The following ERC1 variants were observed in gnomAD, a reference collection of about 807,000 sequenced individuals.
The protein encoded by ERC1 is RAB6 interacting protein 2.
A neutral mutation model predicts 132.0 loss-of-function variants in ERC1; 56 were observed. The ratio of observed to expected loss-of-function variants is 0.42; its 90% confidence interval spans 0.34 to 0.53. The LOEUF is 0.53. Among genes scored for constraint, ERC1 ranks in the 20% least tolerant of loss-of-function variants. The pLI is 0.03. For missense variants in ERC1, 1,202 were observed against 1,349.9 expected (o/e 0.89, Z 1.72); for synonymous variants, 478 against 476.1 (o/e 1.00, Z -0.05).
chr12:1,154,207 G>C (rs888710101), intron 8 of ERC1, among the ~76,000 whole-genome samples: 1 of 119,036 alleles, frequency 8.4e-6, no homozygotes, highest in African/African-American at 3.3e-5. Flanking sequence ...TCCATGGTGT[G>C]TGTGTGTATG....
upstream of ERC1, chr12:990,625 C>T (rs962693827): frequency 3.9e-5 from 6 of 152,246 alleles, no homozygotes; most frequent in Non-Finnish European, 5.9e-5. Context: ...CCCCGCGAGT[C>T]TCAGGTCAGA....
chr12:996,544 T>G (rs1055144468), intron 1 of ERC1, among the ~76,000 whole-genome samples: 4 of 151,998 alleles, frequency 2.6e-5, no homozygotes, highest in African/African-American at 9.7e-5. Flanking sequence ...ATTGCATATG[T>G]GTATAGCCAC....
At chr12:1,124,283 C>T (rs1046554002) in intron 7 of ERC1, among the ~76,000 whole-genome samples, 1 of 151,976 alleles carries the variant, frequency 6.6e-6, no homozygotes, top group Non-Finnish European at 1.5e-5. Context: ...ACTTTGCACT[C>T]CTAATGCAGC....
rs548081051 is a variant in ERC1 at position 1,168,645 on chromosome 12, C to T, written c.1738-11895C>T. On this transcript the variant is annotated intron_variant, in intron 8 of 18. Transcript: ENST00000360905. ...GATTACAGGTGCCCACCACCACACCCGGCTAATTTTTTTGTATTTTTAGTA... is the reference window on the plus strand; with the variant it reads ...GATTACAGGTGCCCACCACCACACCTGGCTAATTTTTTTGTATTTTTAGTA... Among the ~76,000 whole-genome samples the T allele has an allele frequency of 8.6e-5, 13 of 151,828 alleles. No individual in the cohort carries two copies. In the East Asian group the frequency reaches 9.7e-4, roughly 11 times the overall value.
At chr12:1,122,115 A>G (rs1172551552) in intron 7 of ERC1, among the ~76,000 whole-genome samples, 11 of 80,994 alleles carry the variant, frequency 1.4e-4, no homozygotes, top group Non-Finnish European at 2.2e-4. Flanking sequence ...CTCTATCTCT[A>G]TCTCTATCTG....
At chr12:1,386,664 A>AAAAAAT (rs1555385778) in intron 16 of ERC1, 28,153 of 140,628 alleles carry the variant, frequency 0.2, 3,901 homozygotes, top group Non-Finnish European at 0.27. Context: ...AAAAAAAAAA[A>AAAAAAT]ACATTAAAAA....
intron 16 of ERC1, among the ~76,000 whole-genome samples, chr12:1,402,756 T>C (rs1437658222): frequency 6.6e-6 from 1 of 152,120 alleles, no homozygotes; most frequent in Non-Finnish European, 1.5e-5. Flanking sequence ...CTTAATTAGA[T>C]GTGAAATACA....
At chr12:1,242,725 T>TG (rs2075888445) in intron 13 of ERC1, among the ~76,000 whole-genome samples, 2 of 152,308 alleles carry the variant, frequency 1.3e-5, no homozygotes, top group African/African-American at 4.8e-5. Flanking sequence ...ACAGGTACAG[T>TG]GGGTCCTCCA....
intron 12 of ERC1, chr12:1,204,170 A>C (rs1424058315): frequency 2.2e-5 from 5 of 229,340 alleles, no homozygotes; most frequent in Non-Finnish European, 3.5e-5. Context: ...TTAAATGAGA[A>C]TGAGATGGCT....
chr12:1,462,493 G>T (rs565374876), intron 18 of ERC1, among the ~76,000 whole-genome samples: 13 of 152,164 alleles, frequency 8.5e-5, no homozygotes, highest in Admixed American at 2.0e-4. Flanking sequence ...ATACTACTCA[G>T]CAATAGAAAA....
chr12:1,299,578 A>G (rs1021992292), intron 15 of ERC1, among the ~76,000 whole-genome samples: 1 of 152,214 alleles, frequency 6.6e-6, no homozygotes, highest in Admixed American at 6.5e-5. Context: ...TAGTTTCTAC[A>G]CTAAGGTACC....
intron 2 of ERC1, among the ~76,000 whole-genome samples, chr12:1,031,569 GATA>G (rs1968050685): frequency 6.6e-6 from 1 of 152,108 alleles, no homozygotes; most frequent in African/African-American, 2.4e-5. Flanking sequence ...TAGAAATTAT[GATA>G]ATTTTATTCT....
chr12:1,192,261 T>TGCCC (rs1955812842), intron 12 of ERC1, among the ~76,000 whole-genome samples: 1 of 152,244 alleles, frequency 6.6e-6, no homozygotes, highest in South Asian at 2.1e-4. Flanking sequence ...AGGTAGATTT[T>TGCCC]AGTTTCACTT....
At chr12:1,256,553 T>G (rs1440186089) in intron 13 of ERC1, among the ~76,000 whole-genome samples, 1 of 150,912 alleles carries the variant, frequency 6.6e-6, no homozygotes, top group Non-Finnish European at 1.5e-5. Flanking sequence ...CAGCTGAACT[T>G]TGATGATTGG....
intron 2 of ERC1, among the ~76,000 whole-genome samples, chr12:1,074,242 T>C (rs562156332): frequency 3.3e-5 from 5 of 152,230 alleles, no homozygotes; most frequent in African/African-American, 1.2e-4. Flanking sequence ...TGAAACGTCA[T>C]GTGGTGTATA....
In ERC1 at chr12:1,448,573, C is replaced by T. The variant is rs77578229; in HGVS notation, c.3213+3823C>T. ...TATGCATATTGGTTTATTTTGTGTG[C>T]GTGTTTTGTTTATAGTTTTGTAGTT... On this transcript the variant is annotated intron_variant, in intron 18 of 18. Coordinates refer to ENST00000360905, the MANE Select transcript of ERC1 (RefSeq NM_178040.4). Among the ~76,000 whole-genome samples the T allele has an allele frequency of 6.0e-3, 914 of 152,264 alleles. 15 individuals are homozygous for T. Among genetic ancestry groups the T allele is most frequent in the African/African-American group, 0.021 (860 of 41,558 alleles).
chr12:1,112,956 A>G (rs1946049100), intron 6 of ERC1, among the ~76,000 whole-genome samples: 1 of 152,090 alleles, frequency 6.6e-6, no homozygotes, highest in Non-Finnish European at 1.5e-5. Context: ...TGTTTAACCA[A>G]CTGTTTTTTA....
At chr12:1,272,164 C>T (rs1010817972) in intron 14 of ERC1, among the ~76,000 whole-genome samples, 3 of 152,198 alleles carry the variant, frequency 2.0e-5, no homozygotes, top group Admixed American at 6.5e-5. Context: ...GAAATAGTTA[C>T]TACATCTGCC....
chr12:1,297,042 A>G (rs1376293615), intron 15 of ERC1, among the ~76,000 whole-genome samples: 1 of 152,134 alleles, frequency 6.6e-6, no homozygotes, highest in Non-Finnish European at 1.5e-5. Context: ...AATCACAACT[A>G]GAAATACCAT....
Sources: allele counts gnomAD v4.1 joint callset (sites outside exome capture counted in the v4.1 genomes callset), GRCh38; gene constraint gnomAD v4.1.1; transcripts MANE v1.5; gene names NCBI Gene and HGNC (gene_info 2026-07-23, HGNC 2026-07-21).